B3GALT5: variants seen among roughly 807,000 people sequenced by gnomAD.
B3GALT5 encodes the protein beta-1,3-galactosyltransferase 5, also known as UDP-Gal:betaGlcNAc beta 1,3-galactosyltransferase, polypeptide 5.
For missense variants in B3GALT5, 328 were observed against 396.6 expected (o/e 0.83, Z 1.47); for synonymous variants, 156 against 158.6 (o/e 0.98, Z 0.12).
intron 2 of B3GALT5, among the ~76,000 whole-genome samples, chr21:39,656,973 G>C (rs927259863): frequency 2.0e-5 from 3 of 152,238 alleles, no homozygotes; most frequent in Admixed American, 6.5e-5. Context: ...TGGCCAGAAG[G>C]GGGGCAGTGA....
At chr21:39,644,922 G>C (rs563655566) in intron 1 of B3GALT5, among the ~76,000 whole-genome samples, 1 of 152,258 alleles carries the variant, frequency 6.6e-6, no homozygotes, top group East Asian at 1.9e-4. Flanking sequence ...GATGTGTGTT[G>C]ACTGGCTCAC....
chr21:39,630,559 A>T (rs1266883326), intron 1 of B3GALT5: 2 of 152,182 alleles, frequency 1.3e-5, no homozygotes, highest in African/African-American at 4.8e-5. Context: ...TGCTGGGTTT[A>T]TGCTTTCAAG....
At chr21:39,656,826 C>CTATCCTGA (rs2079449771) in intron 2 of B3GALT5, among the ~76,000 whole-genome samples, 1 of 152,220 alleles carries the variant, frequency 6.6e-6, no homozygotes, top group Non-Finnish European at 1.5e-5. Flanking sequence ...GAGCCTTTCC[C>CTATCCTGA]TATCCTGACG....
In B3GALT5 at chr21:39,646,409, G is replaced by A. The variant is rs1193787807; in HGVS notation, c.-374G>A. ...TACAACAGTTTCATCTGGAAGAGAG[G>A]CCATTGAAACCAAGCATTTGTGTTC... On this transcript the variant is annotated 5_prime_UTR_variant, in exon 2 of 4. Coordinates refer to ENST00000684187, the MANE Select transcript of B3GALT5 (RefSeq NM_001356336.2). The A allele has an allele frequency of 6.6e-6, 1 of 152,184 alleles. No homozygotes were observed. Among genetic ancestry groups the A allele is most frequent in the African/African-American group, 2.4e-5 (1 of 41,440 alleles). 9.4% of individuals were successfully genotyped at this position (152,184 alleles called of 1,614,324 possible).
chr21:39,638,933 T>G (rs1395264893), intron 1 of B3GALT5, among the ~76,000 whole-genome samples: 1 of 152,220 alleles, frequency 6.6e-6, no homozygotes, highest in East Asian at 1.9e-4. Flanking sequence ...GGATTGTGTT[T>G]GCGAGAAGTG....
intron 2 of B3GALT5, among the ~76,000 whole-genome samples, chr21:39,656,973 G>T (rs927259863): frequency 2.6e-5 from 4 of 152,238 alleles, no homozygotes; most frequent in Admixed American, 6.5e-5. Flanking sequence ...TGGCCAGAAG[G>T]GGGGCAGTGA....
At chr21:39,660,006 A>T (rs1252899916) in intron 3 of B3GALT5, 94 bp downstream of exon 3, 1 of 717,410 alleles carries the variant, frequency 1.4e-6, no homozygotes, top group Non-Finnish European at 1.7e-6. Flanking sequence ...ACAGGAAAGA[A>T]TCAGATCAGA....
At chr21:39,625,465 A>G (rs1449668114) in intron 1 of B3GALT5, among the ~76,000 whole-genome samples, 2 of 152,204 alleles carry the variant, frequency 1.3e-5, no homozygotes, top group Non-Finnish European at 2.9e-5. Context: ...ACCTAGCTGC[A>G]CTAGGGGTTG....
intron 1 of B3GALT5, among the ~76,000 whole-genome samples, chr21:39,645,079 A>C (rs1449208936): frequency 4.6e-5 from 7 of 152,108 alleles, no homozygotes; most frequent in Non-Finnish European, 1.0e-4. Context: ...CGTGCTCCCT[A>C]AGTCATGGCT....
intron 2 of B3GALT5, among the ~76,000 whole-genome samples, chr21:39,649,449 T>C (rs1197523993): frequency 2.0e-5 from 3 of 152,206 alleles, no homozygotes; most frequent in Non-Finnish European, 1.5e-5. Context: ...GCAGGACCTC[T>C]GTTCTCTCCC....
At chr21:39,647,169 G>A (rs963096872) in intron 2 of B3GALT5, among the ~76,000 whole-genome samples, 3 of 152,162 alleles carry the variant, frequency 2.0e-5, no homozygotes, top group Non-Finnish European at 2.9e-5. Context: ...CCTGATGGCC[G>A]AGAGGCAGAG....
At chr21:39,632,266 T>C (rs1250593965) in intron 1 of B3GALT5, among the ~76,000 whole-genome samples, 1 of 152,228 alleles carries the variant, frequency 6.6e-6, no homozygotes, top group Admixed American at 6.5e-5. Flanking sequence ...AAAGCACTTT[T>C]GGGAGACTGG....
chr21:39,621,518 C>A (rs1448036091), intron 1 of B3GALT5, among the ~76,000 whole-genome samples: 1 of 151,716 alleles, frequency 6.6e-6, no homozygotes. Context: ...TAAAGCTCAC[C>A]TCTAAATCTT....
At chr21:39,660,322 G>A (rs1465265808) in intron 3 of B3GALT5, among the ~76,000 whole-genome samples, 4 of 152,218 alleles carry the variant, frequency 2.6e-5, no homozygotes, top group African/African-American at 9.6e-5. Flanking sequence ...GGGCTGCAGA[G>A]CCTGGACCAA....
chr21:39,654,079 CTG>C (rs1373963912), intron 2 of B3GALT5, among the ~76,000 whole-genome samples: 1 of 152,188 alleles, frequency 6.6e-6, no homozygotes, highest in Non-Finnish European at 1.5e-5. Context: ...GCTGCTGGGT[CTG>C]TGTGCAGGAA....
intron 2 of B3GALT5, among the ~76,000 whole-genome samples, chr21:39,649,435 A>G (rs1240646056): frequency 6.6e-5 from 10 of 152,142 alleles, no homozygotes; most frequent in Non-Finnish European, 1.0e-4. Context: ...CTGAATATCC[A>G]CAGGCAGGAC....
rs1371178092 is a variant in B3GALT5 at position 39,669,499 on chromosome 21, T to C, written c.*8007T>C. On this transcript the variant is annotated 3_prime_UTR_variant, in exon 4 of 4. Transcript: ENST00000684187. ...GAGGTTCGAGGCCGTGGGTTTTGCA[T>C]ACAGAGCTTTCACTGGGTAAATACA... The C allele has an allele frequency of 1.3e-5, 2 of 152,192 alleles. No homozygotes were observed. Among genetic ancestry groups the C allele is most frequent in the African/African-American group, 4.8e-5 (2 of 41,426 alleles). 9.4% of individuals were successfully genotyped at this position (152,192 alleles called of 1,614,324 possible).
chr21:39,629,234 C>T (rs536339030), intron 1 of B3GALT5, among the ~76,000 whole-genome samples: 19 of 152,278 alleles, frequency 1.2e-4, no homozygotes, highest in Non-Finnish European at 2.5e-4. Context: ...AGGCTGGTCT[C>T]GAACTCCTGA....
intron 1 of B3GALT5, among the ~76,000 whole-genome samples, chr21:39,613,681 T>C (rs2079092664): frequency 6.6e-6 from 1 of 151,860 alleles, no homozygotes. Context: ...TGTGAGTGCG[T>C]GTGTGTGTGC....
Sources: allele counts gnomAD v4.1 joint callset (sites outside exome capture counted in the v4.1 genomes callset), GRCh38; gene constraint gnomAD v4.1.1; transcripts MANE v1.5; gene names NCBI Gene and HGNC (gene_info 2026-07-23, HGNC 2026-07-21).